Variants in RAPGEF4 observed in about 807,000 individuals in gnomAD.
RAPGEF4 encodes RAP guanine-nucleotide-exchange factor (GEF) 4.
A neutral mutation model predicts 147.9 loss-of-function variants in RAPGEF4; 66 were observed. The observed-to-expected ratio is 0.45, with a 90% CI of 0.37 to 0.55. RAPGEF4 has a LOEUF of 0.55. RAPGEF4 is among the 20% of genes least tolerant of loss of function. The probability of loss-of-function intolerance (pLI) is 0.00; values close to 1 mark genes in which losing one functional copy is unlikely to be tolerated. For synonymous variants in RAPGEF4, 419 were observed against 442.7 expected (o/e 0.95, Z 0.67); for missense variants, 1,071 against 1,257.3 (o/e 0.85, Z 2.24).
Position 173,001,252 on chromosome 2 carries a change from T to C in RAPGEF4, c.1580-14T>C, listed in dbSNP as rs756196385. On this transcript the variant is annotated splice_polypyrimidine_tract_variant and intron_variant, in intron 16 of 30. Transcript: ENST00000397081. Reference sequence around the variant, plus strand: ...AAGAACCTAATTTCCTTTTCTGTTTTTTTCCCCTTCCAGATTCTGTTTTAA... The same window carrying C: ...AAGAACCTAATTTCCTTTTCTGTTTCTTTCCCCTTCCAGATTCTGTTTTAA... The C allele has an allele frequency of 6.2e-7, 1 of 1,613,464 alleles. No individual in the cohort carries two copies. Among genetic ancestry groups the C allele is most frequent in the South Asian group, 1.1e-5 (1 of 90,940 alleles).
At chr2:172,888,266 C>T (rs902373498) in intron 4 of RAPGEF4, among the ~76,000 whole-genome samples, 31 of 152,196 alleles carry the variant, frequency 2.0e-4, no homozygotes, top group African/African-American at 7.5e-4. Context: ...CCTGTTCTTT[C>T]ACCTCCCAGA....
chr2:172,826,705 G>A (rs1299310201), intron 4 of RAPGEF4, among the ~76,000 whole-genome samples: 1 of 152,152 alleles, frequency 6.6e-6, no homozygotes, highest in African/African-American at 2.4e-5. Context: ...GGTGACTCAT[G>A]CCTGTAATCC....
intron 4 of RAPGEF4, among the ~76,000 whole-genome samples, chr2:172,855,529 C>G (rs1482997944): frequency 1.3e-5 from 2 of 152,094 alleles, no homozygotes; most frequent in Non-Finnish European, 2.9e-5. Flanking sequence ...CAGTGATCTT[C>G]TTTCCTTCCT....
intron 4 of RAPGEF4, among the ~76,000 whole-genome samples, chr2:172,893,071 G>A (rs182438654): frequency 3.3e-5 from 5 of 151,880 alleles, no homozygotes; most frequent in East Asian, 1.9e-4. Flanking sequence ...CCCTTCTGTC[G>A]GGCACCATGC....
chr2:173,018,608 T>C, intron 21 of RAPGEF4, 48 bp from the exon 22 acceptor site: 1 of 1,545,654 alleles, frequency 6.5e-7, no homozygotes, highest in Non-Finnish European at 8.8e-7. Context: ...ATAGTTTTAT[T>C]GAAAACTCTT....
intron 3 of RAPGEF4, 96 bp downstream of exon 3, chr2:172,797,709 C>T: frequency 1.1e-6 from 1 of 939,706 alleles, no homozygotes. Context: ...TTTTCAAGTC[C>T]ATTTCCTCTT....
In RAPGEF4 at chr2:172,836,736, C is replaced by T. The variant is rs560570727; in HGVS notation, c.444+22311C>T. Among the ~76,000 whole-genome samples the T allele has an allele frequency of 5.3e-5, 8 of 152,294 alleles. No homozygotes were observed. The East Asian group carries it at 7.7e-4, about 15-fold the overall frequency. On this transcript the variant is annotated intron_variant, in intron 4 of 30. Transcript: ENST00000397081. ...ATCCAGGTAAAGCCAGGAAATACAACGAGGGCTGGAAATAGCTCGTGGCTA... is the reference window on the plus strand; with the variant it reads ...ATCCAGGTAAAGCCAGGAAATACAATGAGGGCTGGAAATAGCTCGTGGCTA...
chr2:172,931,943 C>G (rs1686029224), intron 6 of RAPGEF4, among the ~76,000 whole-genome samples: 2 of 151,982 alleles, frequency 1.3e-5, no homozygotes, highest in Non-Finnish European at 2.9e-5. Context: ...CTTCCCTTTC[C>G]CCTTCCCGCC....
At chr2:173,037,873 T>G (rs185561452) in intron 29 of RAPGEF4, among the ~76,000 whole-genome samples, 1 of 152,350 alleles carries the variant, frequency 6.6e-6, no homozygotes, top group East Asian at 1.9e-4. Flanking sequence ...TAAAGTGCTA[T>G]AGACTTCTTA....
At chr2:172,882,225 A>G (rs570632128) in intron 4 of RAPGEF4, among the ~76,000 whole-genome samples, 2 of 152,314 alleles carry the variant, frequency 1.3e-5, no homozygotes, top group Admixed American at 1.3e-4. Context: ...AATGTATCTG[A>G]TACCGTTTCC....
At position 172,818,396 on chromosome 2, in the gene RAPGEF4, C is replaced by A. The variant is rs148478739; in HGVS notation, c.444+3971C>A. 5.1e-4 allele frequency among the ~76,000 whole-genome samples: 77 copies of A among 152,238 alleles called. 1 individual carries two copies. Among genetic ancestry groups the A allele is most frequent in the African/African-American group, 1.8e-3 (73 of 41,514 alleles). On this transcript the variant is annotated intron_variant, in intron 4 of 30. Coordinates refer to ENST00000397081, the MANE Select transcript of RAPGEF4 (RefSeq NM_007023.4). ...TGCAAATATAAAAAGAAAGCAGCAG[C>A]AAGGTCAACTGGATAAGGCCTCCAC...
At chr2:172,845,505 A>C (rs1692082544) in intron 4 of RAPGEF4, among the ~76,000 whole-genome samples, 1 of 152,128 alleles carries the variant, frequency 6.6e-6, no homozygotes, top group African/African-American at 2.4e-5. Context: ...AGGCAGCAAA[A>C]AAATTGCTTA....
intron 4 of RAPGEF4, among the ~76,000 whole-genome samples, chr2:172,873,436 G>A (rs554614631): frequency 3.1e-4 from 47 of 152,296 alleles, no homozygotes; most frequent in Middle Eastern, 3.4e-3. Context: ...TCTTTAGATT[G>A]TATATCTTAC....
In RAPGEF4 at chr2:173,017,480, C is replaced by CAG; in HGVS notation, c.1985_1986dup (p.Pro663SerfsTer31). 1 of 1,614,152 alleles carries CAG rather than the reference C, an allele frequency of 6.2e-7. No individual in the cohort carries two copies. The highest frequency in any genetic ancestry group is 1.1e-5 in the South Asian group (1 of 91,076). Reference sequence around the variant, plus strand: ...GGGCGATGAGAGAGCCCAGAAGCGCCAGCCTATCCGCGGCTCTGATGAAGG... The same window carrying CAG: ...GGGCGATGAGAGAGCCCAGAAGCGCCAGAGCCTATCCGCGGCTCTGATGAAGG... On this transcript the variant is annotated frameshift_variant, in exon 21 of 31. Transcript: ENST00000397081. LOFTEE classifies it high-confidence loss of function.
intron 4 of RAPGEF4, among the ~76,000 whole-genome samples, chr2:172,850,760 C>T (rs892701001): frequency 1.3e-5 from 2 of 152,164 alleles, no homozygotes; most frequent in Non-Finnish European, 2.9e-5. Context: ...TTTCTATGGA[C>T]ACATCAATGT....
At chr2:172,843,066 A>G (rs146530435) in intron 4 of RAPGEF4, among the ~76,000 whole-genome samples, 6 of 152,320 alleles carry the variant, frequency 3.9e-5, no homozygotes, top group Admixed American at 3.3e-4. Flanking sequence ...CACAGTGATG[A>G]TGAACTAGAA....
At chr2:172,789,807 G>A (rs1685619824) in intron 1 of RAPGEF4, among the ~76,000 whole-genome samples, 2 of 152,056 alleles carry the variant, frequency 1.3e-5, no homozygotes, top group Non-Finnish European at 2.9e-5. Context: ...TTTTCAGGGG[G>A]TAAATAATAC....
intron 3 of RAPGEF4, among the ~76,000 whole-genome samples, chr2:172,798,916 A>G (rs1431448526): frequency 2.0e-5 from 3 of 152,216 alleles, no homozygotes; most frequent in African/African-American, 7.2e-5. Context: ...GCATCAGTGC[A>G]TGAAAATTCC....
chr2:172,980,245 G>A (rs978661952), intron 10 of RAPGEF4, among the ~76,000 whole-genome samples: 3 of 152,132 alleles, frequency 2.0e-5, no homozygotes, highest in South Asian at 2.1e-4. Flanking sequence ...TTCCAGGAGC[G>A]TTGTGTGATG....
Sources: gnomAD v4.1 joint callset for allele counts (sites outside exome capture counted in the v4.1 genomes callset) on GRCh38, gnomAD v4.1.1 for gene constraint, MANE v1.5 for transcripts, NCBI Gene and HGNC (gene_info 2026-07-23, HGNC 2026-07-21) for gene names.